Variants in PCDH15 observed in about 807,000 individuals in gnomAD.
PCDH15 encodes the protein protocadherin-15.
Under a neutral mutation model 178.5 loss-of-function variants are expected in PCDH15, and 129 were observed. The observed-to-expected ratio is 0.72, with a 90% CI of 0.63 to 0.84. The LOEUF is 0.84. Ranked by LOEUF, PCDH15 falls within the 40% of genes least tolerant of loss-of-function variation. The probability of loss-of-function intolerance (pLI) is 0.00; values close to 1 mark genes in which losing one functional copy is unlikely to be tolerated. For missense variants in PCDH15, 2,230 were observed against 2,099.9 expected (o/e 1.06, Z -1.21); for synonymous variants, 800 against 732.0 (o/e 1.09, Z -1.50).
At chr10:55,104,719 C>G (rs1156890244) in intron 2 of PCDH15, among the ~76,000 whole-genome samples, 1 of 152,164 alleles carries the variant, frequency 6.6e-6, no homozygotes, top group Non-Finnish European at 1.5e-5. Flanking sequence ...TACTATCAAG[C>G]TATTCAATTT....
intron 5 of PCDH15, among the ~76,000 whole-genome samples, chr10:54,357,957 C>A (rs1945312541): frequency 6.6e-6 from 1 of 151,802 alleles, no homozygotes; most frequent in African/African-American, 2.4e-5. Flanking sequence ...AACTGGCTAG[C>A]CATATGGAGA....
chr10:54,720,790 T>C (rs1439670536), intron 1 of PCDH15, among the ~76,000 whole-genome samples: 1 of 151,998 alleles, frequency 6.6e-6, no homozygotes, highest in Non-Finnish European at 1.5e-5. Context: ...TATACAATAA[T>C]AGTGGAGGAC....
intron 8 of PCDH15, among the ~76,000 whole-genome samples, chr10:54,257,406 T>C (rs868700991): frequency 2.1e-5 from 3 of 145,094 alleles, no homozygotes; most frequent in Non-Finnish European, 4.6e-5. Context: ...TTGTCTTCTT[T>C]TTTTTTTTTT....
chr10:54,163,342 T>C (rs1201825930), intron 13 of PCDH15, among the ~76,000 whole-genome samples: 1 of 151,992 alleles, frequency 6.6e-6, no homozygotes, highest in Non-Finnish European at 1.5e-5. Flanking sequence ...CTGGGAGGCC[T>C]CAGGAAACTT....
chr10:54,435,178 C>T (rs564578972), intron 3 of PCDH15, among the ~76,000 whole-genome samples: 1 of 152,266 alleles, frequency 6.6e-6, no homozygotes, highest in African/African-American at 2.4e-5. Flanking sequence ...CCCAGTCCAT[C>T]TCATACCATA....
intron 1 of PCDH15, among the ~76,000 whole-genome samples, chr10:54,740,408 C>A (rs1365385078): frequency 7.3e-5 from 11 of 151,472 alleles, no homozygotes; most frequent in Non-Finnish European, 1.3e-4. Context: ...AAAATGTGAC[C>A]CTCCTACATT....
intron 1 of PCDH15, among the ~76,000 whole-genome samples, chr10:55,212,495 G>A (rs1453304732): frequency 6.6e-6 from 1 of 151,878 alleles, no homozygotes; most frequent in East Asian, 1.9e-4. Flanking sequence ...ACGAACCTTG[G>A]GTGATACTCC....
chr10:54,016,778 G>T (rs924422304), intron 20 of PCDH15, among the ~76,000 whole-genome samples: 1 of 152,042 alleles, frequency 6.6e-6, no homozygotes, highest in Non-Finnish European at 1.5e-5. Flanking sequence ...TACCTATAAG[G>T]TACTATGTTC....
rs184282536 is a variant in PCDH15, at chr10:55,377,909, G to T, written c.-155-211258C>A. 1.5e-3 allele frequency among the ~76,000 whole-genome samples: 225 copies of T among 152,136 alleles called. 2 individuals are homozygous for T. Among genetic ancestry groups the T allele is most frequent in the African/African-American group, 5.3e-3 (220 of 41,522 alleles). ...ATAATGAGGTCATGTCCTTCGTGGC[G>T]ACATAGATGAAGCTGGAAACCATCA... On this transcript the variant is annotated intron_variant, in intron 2 of 5. Coordinates refer to the PCDH15 transcript ENST00000613346.
intron 12 of PCDH15, among the ~76,000 whole-genome samples, chr10:54,184,468 G>C (rs999654490): frequency 2.0e-5 from 3 of 151,996 alleles, no homozygotes; most frequent in Non-Finnish European, 4.4e-5. Flanking sequence ...TTATGTGTGT[G>C]TGTGTATTTC....
intron 3 of PCDH15, among the ~76,000 whole-genome samples, chr10:54,413,178 C>G (rs1953809137): frequency 6.6e-6 from 1 of 151,964 alleles, no homozygotes; most frequent in African/African-American, 2.4e-5. Flanking sequence ...TAGCATCTCT[C>G]TCTCTCTCAA....
chr10:54,573,499 A>G (rs1036493895), intron 2 of PCDH15, among the ~76,000 whole-genome samples: 4 of 152,180 alleles, frequency 2.6e-5, no homozygotes, highest in African/African-American at 9.6e-5. Context: ...CATTTTGAAT[A>G]GTTTTCTTTG....
At chr10:54,457,724 TAGTCATA>T (rs2136397034) in intron 3 of PCDH15, among the ~76,000 whole-genome samples, 1 of 152,206 alleles carries the variant, frequency 6.6e-6, no homozygotes, top group Admixed American at 6.5e-5. Context: ...TGATAAATCA[TAGTCATA>T]AGCCCATAAA....
chr10:54,764,126 C>T (rs1008961283), intron 1 of PCDH15, among the ~76,000 whole-genome samples: 2 of 151,804 alleles, frequency 1.3e-5, no homozygotes, highest in Non-Finnish European at 2.9e-5. Context: ...TTTCAGTGGT[C>T]TCTAAATGTC....
chr10:55,358,559 T>C lies in PCDH15; in HGVS notation c.-155-191908A>G, dbSNP rs190969018. On this transcript the variant is annotated intron_variant, in intron 2 of 5. Coordinates refer to the PCDH15 transcript ENST00000613346. Reference sequence around the variant, plus strand: ...TATCAGCATATCTCACAGAGTGTAGTTGTTGTAATAATATAATAGTTGCCA... The same window carrying C: ...TATCAGCATATCTCACAGAGTGTAGCTGTTGTAATAATATAATAGTTGCCA... Among the ~76,000 whole-genome samples the C allele has an allele frequency of 1.8e-3, 278 of 152,256 alleles. 5 individuals carry two copies. Among genetic ancestry groups the C allele is most frequent in the Non-Finnish European group, 6.0e-4 (41 of 68,010 alleles).
intron 13 of PCDH15, among the ~76,000 whole-genome samples, chr10:54,163,549 T>C (rs2045924066): frequency 6.6e-6 from 1 of 152,020 alleles, no homozygotes; most frequent in Non-Finnish European, 1.5e-5. Flanking sequence ...CCTACTCCAA[T>C]ACTAAGGTTC....
rs536620960 is a variant in PCDH15 at position 54,322,631 on chromosome 10, G to A, written c.706-5190C>T. Among the ~76,000 whole-genome samples the A allele has an allele frequency of 1.0e-4, 15 of 145,596 alleles. No individual in the cohort carries two copies. The South Asian group carries it at 3.2e-3, about 31-fold the overall frequency. On this transcript the variant is annotated intron_variant, in intron 7 of 37. Transcript: ENST00000644397. ...AATATTAAGCTGTGATATTAAATTA[G>A]TAATAAGAAACTTACCAACCAAAAA...
intron 3 of PCDH15, among the ~76,000 whole-genome samples, chr10:54,437,390 A>C (rs2075494380): frequency 6.6e-6 from 1 of 152,148 alleles, no homozygotes; most frequent in Non-Finnish European, 1.5e-5. Context: ...AAATTAATAA[A>C]TTTAGTGTGA....
chr10:54,859,480 T>TA (rs1409792049), intron 3 of PCDH15, among the ~76,000 whole-genome samples: 1 of 152,058 alleles, frequency 6.6e-6, no homozygotes, highest in Non-Finnish European at 1.5e-5. Context: ...ACTTTTTAGT[T>TA]AAAATTCATC....
Sources: gnomAD v4.1 joint callset for allele counts (sites outside exome capture counted in the v4.1 genomes callset) on GRCh38, gnomAD v4.1.1 for gene constraint, MANE v1.5 for transcripts, NCBI Gene and HGNC (gene_info 2026-07-23, HGNC 2026-07-21) for gene names.